Variants in GTF3C3 observed in about 807,000 individuals in gnomAD.
GTF3C3 encodes the protein general transcription factor IIIC subunit 3.
Under a neutral mutation model 105.2 loss-of-function variants are expected in GTF3C3, and 75 were observed. The ratio of observed to expected loss-of-function variants is 0.71; its 90% CI spans 0.59 to 0.86. The LOEUF (loss-of-function observed/expected upper bound fraction) is 0.86. Among genes scored for constraint, GTF3C3 ranks in the 40% least tolerant of loss-of-function variants. The pLI, the probability that GTF3C3 is intolerant of heterozygous loss-of-function variation, is 0.00. For synonymous variants in GTF3C3, 335 were observed against 370.4 expected (o/e 0.90, Z 1.10); for missense variants, 856 against 1,076.5 (o/e 0.80, Z 2.87).
At chr2:196,799,449 C>T (rs764947406) in intron 1 of GTF3C3, 61 bp downstream of exon 1, 1 of 1,277,428 alleles carries the variant, frequency 7.8e-7, no homozygotes, top group African/African-American at 1.5e-5. Flanking sequence ...TCTGGGTCCC[C>T]CACACCTAAG....
intron 1 of GTF3C3, 95 bp from the exon 2 acceptor site, chr2:196,798,003 T>TC (rs977126117): frequency 2.4e-5 from 18 of 747,690 alleles, no homozygotes; most frequent in Admixed American, 2.1e-4. Context: ...GCTTTGCCAC[T>TC]CGGGCATTTT....
intron 17 of GTF3C3, among the ~76,000 whole-genome samples, chr2:196,766,364 T>C (rs534747625): frequency 5.3e-5 from 8 of 152,362 alleles, no homozygotes; most frequent in Non-Finnish European, 1.2e-4. Flanking sequence ...ACAAGCTGTA[T>C]ATGTTCATAT....
chr2:196,778,676 T>C lies in GTF3C3; in HGVS notation c.1390+220A>G, dbSNP rs1699296647. On this transcript the variant is annotated intron_variant, in intron 10 of 17. Coordinates refer to ENST00000263956, the MANE Select transcript of GTF3C3 (RefSeq NM_012086.5). ...AGGCATCTAAGGGAAATGTGAGTCC[T>C]TCAACTTCACTCTGGCATCATTAAG... 2.9e-5 allele frequency: 16 copies of C among 557,484 alleles called. No homozygotes were observed. The South Asian group carries it at 3.3e-4, about 12-fold the overall frequency. The allele number at this position is 557,484 out of a possible 1,614,324, so 34.5% of individuals were successfully genotyped here. A position where few individuals can be genotyped will look rare whatever the true frequency, so the allele number is the denominator to read the frequency against.
At chr2:196,791,528 T>G in intron 3 of GTF3C3, 68 bp from the exon 4 acceptor site, 1 of 1,373,978 alleles carries the variant, frequency 7.3e-7, no homozygotes, top group South Asian at 1.3e-5. Flanking sequence ...TCCAGCCATA[T>G]TAATAAATAT....
intron 1 of GTF3C3, among the ~76,000 whole-genome samples, chr2:196,798,799 T>C (rs1052845844): frequency 6.8e-6 from 1 of 147,048 alleles, no homozygotes; most frequent in African/African-American, 2.6e-5. Flanking sequence ...AAGGCCGAGG[T>C]TGCAGTGAGC....
chr2:196,780,171 T>C, intron 9 of GTF3C3: 2 of 557,902 alleles, frequency 3.6e-6, no homozygotes, highest in Non-Finnish European at 4.6e-6. Flanking sequence ...TTGTATATTT[T>C]ACTCAATATC....
intron 8 of GTF3C3, among the ~76,000 whole-genome samples, chr2:196,784,450 T>C (rs768421226): frequency 1.1e-4 from 17 of 152,204 alleles, no homozygotes; most frequent in Non-Finnish European, 1.8e-4. Context: ...AGGGTAATCA[T>C]ATTAGTTTCT....
chr2:196,766,408 A>T (rs149336687), intron 17 of GTF3C3, among the ~76,000 whole-genome samples, 157 bp downstream of exon 17: 1 of 152,364 alleles, frequency 6.6e-6, no homozygotes, highest in African/African-American at 2.4e-5. Flanking sequence ...TCAGATGTCG[A>T]AGTGGTACCT....
At chr2:196,766,528 T>C in intron 17 of GTF3C3, 37 bp downstream of exon 17, 2 of 1,534,582 alleles carry the variant, frequency 1.3e-6, no homozygotes, top group African/African-American at 1.4e-5. Context: ...TACAGACAGA[T>C]GAAATGAAGT....
In GTF3C3 at chr2:196,764,694, A is replaced by T; in HGVS notation, c.2539-9T>A. ...TGGTCAAGTTCTATACCCTAGGGAG[A>T]AAAAGATACCTTTATGTTTAATATT... On this transcript the variant is annotated splice_polypyrimidine_tract_variant and intron_variant, in intron 17 of 17. Transcript: ENST00000263956. 1 of 1,603,278 alleles carries T rather than the reference A, an allele frequency of 6.2e-7. No homozygotes were observed. Among genetic ancestry groups the T allele is most frequent in the Admixed American group, 1.7e-5 (1 of 58,334 alleles).
chr2:196,764,858 T>G (rs1359625056), intron 17 of GTF3C3, among the ~76,000 whole-genome samples, 173 bp from the exon 18 acceptor site: 1 of 152,154 alleles, frequency 6.6e-6, no homozygotes, highest in Non-Finnish European at 1.5e-5. Context: ...GCTGATTCAG[T>G]TAACAGCATC....
At chr2:196,789,408 G>A in intron 5 of GTF3C3, 39 bp from the exon 6 acceptor site, 1 of 1,435,086 alleles carries the variant, frequency 7.0e-7, no homozygotes, top group East Asian at 2.3e-5. Flanking sequence ...CCACAAAAAG[G>A]GGTGCATGGT....
chr2:196,771,782 A>ATTGTG lies in GTF3C3; in HGVS notation c.2221_2225dup (p.Ala743ThrfsTer33). 6.2e-7 allele frequency: 1 copy of ATTGTG among 1,612,902 alleles called. No homozygotes were observed. On this transcript the variant is annotated frameshift_variant, in exon 15 of 18. Coordinates refer to ENST00000263956, the MANE Select transcript of GTF3C3 (RefSeq NM_012086.5). LOFTEE classifies it high-confidence loss of function. The stretch of plus-strand genomic sequence containing the variant: ...GCTTAAAACTACCAGATACAAATGC[A>ATTGTG]TTGTGTCCATTTAAGACACATAGGG...
chr2:196,774,873 G>T, intron 13 of GTF3C3: 1 of 280,568 alleles, frequency 3.6e-6, no homozygotes, highest in Non-Finnish European at 6.5e-6. Context: ...TCAAAGTTTT[G>T]TTTTACTTCT....
chr2:196,770,117 A>G lies in GTF3C3; in HGVS notation c.2261-78T>C, dbSNP rs373659015. On this transcript the variant is annotated intron_variant, in intron 15 of 17. Coordinates refer to ENST00000263956, the MANE Select transcript of GTF3C3 (RefSeq NM_012086.5). ...TTCTTCAACACTTTTAAGGCCAAACATTACTGATTTTAACATACATAAGGT... is the reference window on the plus strand; with the variant it reads ...TTCTTCAACACTTTTAAGGCCAAACGTTACTGATTTTAACATACATAAGGT... 11 of 1,272,228 alleles carry G rather than the reference A, an allele frequency of 8.6e-6. 1 individual carries two copies. The highest frequency in any genetic ancestry group is 7.5e-5 in the South Asian group (4 of 53,178). The allele number at this position is 1,272,228 out of a possible 1,614,324, so 78.8% of individuals were successfully genotyped here. A position where few individuals can be genotyped will look rare whatever the true frequency, so the allele number is the denominator to read the frequency against.
intron 8 of GTF3C3, 139 bp from the exon 9 acceptor site, chr2:196,780,801 C>G: frequency 1.0e-6 from 1 of 991,748 alleles, no homozygotes; most frequent in Non-Finnish European, 1.4e-6. Flanking sequence ...TTAATAAGTT[C>G]TTATATCTCT....
At chr2:196,791,678 G>A (rs1192913351) in intron 3 of GTF3C3, 3 of 417,958 alleles carry the variant, frequency 7.2e-6, no homozygotes, top group Non-Finnish European at 1.3e-5. Flanking sequence ...ACTCATTCTT[G>A]TAATCCCAGC....
chr2:196,770,167 C>T (rs1173336340), intron 15 of GTF3C3, 128 bp from the exon 16 acceptor site: 1 of 660,608 alleles, frequency 1.5e-6, no homozygotes, highest in Non-Finnish European at 2.3e-6. Context: ...AAATAGCAAC[C>T]AGAGACCTAT....
chr2:196,787,767 C>T (rs1481224899), intron 6 of GTF3C3, among the ~76,000 whole-genome samples: 1 of 152,088 alleles, frequency 6.6e-6, no homozygotes, highest in Non-Finnish European at 1.5e-5. Context: ...GTAAGCTTTA[C>T]AAGAGTAGGG....
Sources: allele counts gnomAD v4.1 joint callset (sites outside exome capture counted in the v4.1 genomes callset), GRCh38; gene constraint gnomAD v4.1.1; transcripts MANE v1.5; gene names NCBI Gene and HGNC (gene_info 2026-07-23, HGNC 2026-07-21).